PEF1: variants seen among roughly 807,000 people sequenced by gnomAD.
PEF1 encodes the protein penta-EF-hand domain containing 1, also known as peflin.
PEF1 carries 17 observed loss-of-function variants against 32.0 expected under a neutral mutation model. The observed-to-expected ratio is 0.53, with a 90% CI of 0.36 to 0.80. The LOEUF (loss-of-function observed/expected upper bound fraction) is 0.80, where lower values mean the gene tolerates loss of function less well. PEF1 is among the 30% of genes least tolerant of loss of function. The probability of loss-of-function intolerance (pLI) is 0.00; values close to 1 mark genes in which losing one functional copy is unlikely to be tolerated. For synonymous variants in PEF1, 130 were observed against 139.8 expected (o/e 0.93, Z 0.50); for missense variants, 362 against 369.1 (o/e 0.98, Z 0.16).
At chr1:31,635,125 G>T in intron 2 of PEF1, 97 bp downstream of exon 2, 2 of 1,446,946 alleles carry the variant, frequency 1.4e-6, no homozygotes, top group Non-Finnish European at 9.5e-7. Context: ...AGGTGCCAGA[G>T]ACCAGGCTGC....
intron 1 of PEF1, among the ~76,000 whole-genome samples, chr1:31,636,209 G>T (rs970017763): frequency 6.6e-6 from 1 of 152,176 alleles, no homozygotes; most frequent in African/African-American, 2.4e-5. Flanking sequence ...GTCTGAGGCG[G>T]GCAGACTGCT....
chr1:31,644,466 C>T (rs1640494558), intron 1 of PEF1: 1 of 1,188,020 alleles, frequency 8.4e-7, no homozygotes, highest in Non-Finnish European at 1.0e-6. Context: ...ATCCGACGCC[C>T]CAAATGAGAT....
Position 31,635,345 on chromosome 1 carries a change from T to G in PEF1, c.202A>C (p.Asn68His), listed in dbSNP as rs1386072034. 2 of 1,613,966 alleles carry G rather than the reference T, an allele frequency of 1.2e-6. No homozygotes were observed. The highest frequency in any genetic ancestry group is 2.2e-5 in the South Asian group (2 of 91,082). ...PAGGGPYGHP[N>H]PGMFPSGTPG... ...GTTCCAGAGGGGAACATCCCAGGAT[T>G]GGGGTGTCCATAGGGCCCTCCACCA... The change falls in exon 2 of 5, where the codon AAT becomes CAT. Residue 68 changes from asparagine (N) to histidine (H), a missense_variant. Transcript: ENST00000373703.
chr1:31,630,788 G>A lies in PEF1; in HGVS notation c.680C>T (p.Ser227Phe), dbSNP rs1213633075. Residue 227 changes from serine to phenylalanine, a missense_variant, in exon 5 of 5, where the codon TCC becomes TTC. Ser to Phe is a radical substitution (Grantham distance 155). Coordinates refer to ENST00000373703, the MANE Select transcript of PEF1 (RefSeq NM_012392.4). ...ATTGGCAGAGCGTGGGCAGTAGCGG[G>A]AGACCAGAAGCTGGGTGAACTGGGG... is the stretch of plus-strand genomic sequence containing the variant. The part of the protein sequence containing the change: ...LSPQFTQLLV[S>F]RYCPRSANPA... 4 of 1,613,604 alleles carry A rather than the reference G, an allele frequency of 2.5e-6. No homozygotes were observed. The highest frequency in any genetic ancestry group is 3.4e-6 in the Non-Finnish European group (4 of 1,180,044).
chr1:31,632,729 C>A, intron 3 of PEF1, 91 bp from the exon 4 acceptor site: 1 of 1,463,932 alleles, frequency 6.8e-7, no homozygotes, highest in African/African-American at 1.4e-5. Context: ...CCCTTCTCTC[C>A]AGGCTGGAGT....
intron 1 of PEF1, among the ~76,000 whole-genome samples, chr1:31,639,733 G>A (rs991561630): frequency 6.6e-6 from 1 of 152,216 alleles, no homozygotes; most frequent in African/African-American, 2.4e-5. Flanking sequence ...ACATGACTTG[G>A]TGACTAATTA....
intron 2 of PEF1, 75 bp downstream of exon 2, chr1:31,635,147 C>A: frequency 6.4e-7 from 1 of 1,559,254 alleles, no homozygotes. Context: ...TGCACACCCA[C>A]AGGAAGGACA....
intron 1 of PEF1, chr1:31,644,626 A>T: frequency 2.8e-6 from 4 of 1,444,440 alleles, no homozygotes; most frequent in Non-Finnish European, 3.6e-6. Context: ...AGCGACGTCA[A>T]GGGGGCGCGA....
rs1640225185 is a variant in PEF1 at position 31,635,308 on chromosome 1, G to T, written c.239C>A (p.Pro80Gln). The change falls in exon 2 of 5, where the codon CCA becomes CAA. Residue 80 changes from proline to glutamine, a missense_variant. Physicochemically the swap from Pro to Gln is moderately conservative, Grantham distance 76. Transcript: ENST00000373703. ...GMFPSGTPGG[P>Q]YGGAAPGGPY... ...GCCCCCGGGAGCTGCACCGCCATAT[G>T]GTCCTCCTGGAGTTCCAGAGGGGAA... 6.2e-7 allele frequency: 1 copy of T among 1,613,984 alleles called. No homozygotes were observed. Among genetic ancestry groups the T allele is most frequent in the Non-Finnish European group, 8.5e-7 (1 of 1,180,020 alleles).
At chr1:31,632,314 T>C in intron 4 of PEF1, 181 bp downstream of exon 4, 2 of 1,079,016 alleles carry the variant, frequency 1.9e-6, no homozygotes, top group Non-Finnish European at 2.8e-6. Flanking sequence ...GCCCTGGCTC[T>C]TGGCTCAGTG....
At chr1:31,644,792 G>T in intron 1 of PEF1, 49 bp downstream of exon 1, 2 of 1,613,198 alleles carry the variant, frequency 1.2e-6, no homozygotes, top group Non-Finnish European at 1.7e-6. Flanking sequence ...CGTCGGGCCT[G>T]CGCCTGGCAC....
In PEF1 at chr1:31,633,044, C is replaced by T. The variant is rs1640156227; in HGVS notation, c.481+115G>A. 1.1e-5 allele frequency: 14 copies of T among 1,270,158 alleles called. No individual in the cohort carries two copies. In the South Asian group the frequency reaches 1.8e-4, roughly 17 times the overall value. 78.7% of individuals were successfully genotyped at this position (1,270,158 alleles called of 1,614,324 possible). ...CTGAACCTAGCTTCCTCCCCACAGT[C>T]CTCCCTGGTCAATGAATTTCTCTTC... On this transcript the variant is annotated intron_variant, in intron 3 of 4. Coordinates refer to ENST00000373703, the MANE Select transcript of PEF1 (RefSeq NM_012392.4).
chr1:31,640,502 G>A (rs1332867679), intron 1 of PEF1, among the ~76,000 whole-genome samples: 1 of 152,152 alleles, frequency 6.6e-6, no homozygotes. Context: ...AGGTAGAGGG[G>A]AAGGCTGGAT....
At chr1:31,634,709 C>G (rs532115541) in intron 2 of PEF1, 1 of 372,804 alleles carries the variant, frequency 2.7e-6, no homozygotes, top group South Asian at 2.0e-5. Flanking sequence ...CCTATAAGAG[C>G]ATTGTACATC....
chr1:31,634,953 A>C (rs1485235226), intron 2 of PEF1: 8 of 623,888 alleles, frequency 1.3e-5, no homozygotes, highest in Non-Finnish European at 2.4e-5. Context: ...CCTGAATGAA[A>C]AAGACACAGG....
chr1:31,634,753 T>C (rs551841495), intron 2 of PEF1: 189 of 423,170 alleles, frequency 4.5e-4, no homozygotes, highest in African/African-American at 3.6e-3. Flanking sequence ...CAGAGGGGCA[T>C]CCTTTCCCAT....
chr1:31,644,025 G>C (rs1640476637), intron 1 of PEF1: 1 of 152,160 alleles, frequency 6.6e-6, no homozygotes, highest in Admixed American at 6.6e-5. Context: ...CTATTATTCG[G>C]CCCTATTTTA....
At position 31,635,451 on chromosome 1, in the gene PEF1, A is replaced by C; in HGVS notation, c.96T>G (p.Ser32Arg). 1 of 1,598,266 alleles carries C rather than the reference A, an allele frequency of 6.3e-7. No individual in the cohort carries two copies. The highest frequency in any genetic ancestry group is 8.5e-7 in the Non-Finnish European group (1 of 1,170,364). The change falls in exon 2 of 5, where the codon AGT (serine) becomes AGG (arginine). Residue 32 changes from serine (S) to arginine (R), a missense_variant. Transcript: ENST00000373703. ...GTAGCCCACTACCATACTGCCCTCC[A>C]CTATTGGGGGGTCCAGGGTAGTAGC... ...PGSYYPGPPN[S>R]GGQYGSGLPP...
intron 1 of PEF1, chr1:31,644,504 G>A (rs1236515092): frequency 5.4e-6 from 7 of 1,307,294 alleles, no homozygotes; most frequent in Non-Finnish European, 9.7e-7. Context: ...TAAACCTCCG[G>A]TCATGGCTGA....
Sources: gnomAD v4.1 joint callset for allele counts (sites outside exome capture counted in the v4.1 genomes callset) on GRCh38, gnomAD v4.1.1 for gene constraint, MANE v1.5 for transcripts, NCBI Gene and HGNC (gene_info 2026-07-23, HGNC 2026-07-21) for gene names.